ADORA2B: variants seen among roughly 807,000 people sequenced by gnomAD.
The protein encoded by ADORA2B is adenosine receptor A2b.
ADORA2B carries 18 observed loss-of-function variants against 20.8 expected under a neutral mutation model. That is an observed-to-expected ratio of 0.87 (90% confidence interval 0.60 to 1.29). ADORA2B has a LOEUF of 1.29. Among genes scored for constraint, ADORA2B ranks in the 50% most tolerant of loss-of-function variants. The probability of loss-of-function intolerance (pLI) is 0.00; values close to 1 mark genes in which losing one functional copy is unlikely to be tolerated. For missense variants in ADORA2B, 441 were observed against 422.7 expected (o/e 1.04, Z -0.38); for synonymous variants, 179 against 178.3 (o/e 1.00, Z -0.03).
At chr17:15,865,848 T>TTA in the ADORA2B span, among the ~76,000 whole-genome samples, 1 of 151,624 alleles carries the variant, frequency 6.6e-6, no homozygotes. Flanking sequence ...TTTTTTGGTT[T>TTA]TAGGGAGCGG....
chr17:15,926,482 A>G, the ADORA2B span, among the ~76,000 whole-genome samples: 32 of 152,112 alleles, frequency 2.1e-4, no homozygotes, highest in African/African-American at 7.7e-4. Flanking sequence ...CCATGTGACA[A>G]TCGGGGGAGA....
intron 1 of ADORA2B, among the ~76,000 whole-genome samples, chr17:15,959,718 C>T (rs140944594): frequency 2.6e-5 from 4 of 152,116 alleles, no homozygotes; most frequent in African/African-American, 4.8e-5. Flanking sequence ...CCAGGCTGGT[C>T]GTGAATTCCT....
the ADORA2B span, among the ~76,000 whole-genome samples, chr17:15,909,205 G>A: frequency 6.6e-6 from 1 of 151,428 alleles, no homozygotes; most frequent in African/African-American, 2.4e-5. Flanking sequence ...AAAAAAAACA[G>A]CAACAACAAC....
At chr17:15,956,990 T>C (rs1969974454) in intron 1 of ADORA2B, among the ~76,000 whole-genome samples, 1 of 151,932 alleles carries the variant, frequency 6.6e-6, no homozygotes, top group African/African-American at 2.4e-5. Flanking sequence ...TAATCTGGAG[T>C]TTGATATGGT....
chr17:15,885,310 C>G, the ADORA2B span, among the ~76,000 whole-genome samples: 1 of 152,124 alleles, frequency 6.6e-6, no homozygotes, highest in Non-Finnish European at 1.5e-5. Flanking sequence ...ATTTAAATAG[C>G]CACGTGTGGC....
chr17:15,940,789 T>C (rs1045170132), upstream of ADORA2B, among the ~76,000 whole-genome samples: 2 of 152,242 alleles, frequency 1.3e-5, no homozygotes, highest in East Asian at 3.9e-4. Context: ...TCATGGTTGG[T>C]GTAGGGTAGC....
At chr17:15,952,491 G>A (rs1488504312) in intron 1 of ADORA2B, among the ~76,000 whole-genome samples, 1 of 152,106 alleles carries the variant, frequency 6.6e-6, no homozygotes, top group Non-Finnish European at 1.5e-5. Flanking sequence ...TATCTTCCCA[G>A]GAGCCCTTAA....
At chr17:15,910,442 C>T in the ADORA2B span, among the ~76,000 whole-genome samples, 1 of 152,012 alleles carries the variant, frequency 6.6e-6, no homozygotes, top group Non-Finnish European at 1.5e-5. Context: ...GAATTACAGG[C>T]GTGTGCCACC....
chr17:15,947,554 T>C (rs995273780), intron 1 of ADORA2B, among the ~76,000 whole-genome samples: 1 of 152,230 alleles, frequency 6.6e-6, no homozygotes, highest in Admixed American at 6.5e-5. Flanking sequence ...CGCCCCATCC[T>C]GCCTTCCTGG....
At chr17:15,867,126 G>A in the ADORA2B span, among the ~76,000 whole-genome samples, 4 of 152,268 alleles carry the variant, frequency 2.6e-5, no homozygotes, top group South Asian at 2.1e-4. Context: ...GCGTGATCTC[G>A]GCTCGCTACA....
chr17:15,882,731 A>G, the ADORA2B span, among the ~76,000 whole-genome samples: 1 of 151,214 alleles, frequency 6.6e-6, no homozygotes, highest in African/African-American at 2.4e-5. Flanking sequence ...GGAAGGAAAA[A>G]CAGGATTTTC....
chr17:15,930,812 C>T, the ADORA2B span, among the ~76,000 whole-genome samples: 6 of 152,308 alleles, frequency 3.9e-5, 1 homozygote, highest in Admixed American at 2.6e-4. Context: ...TCAAAACTAT[C>T]ATTAAAATGT....
the ADORA2B span, among the ~76,000 whole-genome samples, chr17:15,931,734 CTTT>C: frequency 6.6e-6 from 1 of 151,502 alleles, no homozygotes; most frequent in African/African-American, 2.4e-5. Context: ...GATTATTTGT[CTTT>C]TTCTCTTTTT....
chr17:15,893,666 T>C, the ADORA2B span, among the ~76,000 whole-genome samples: 1 of 152,354 alleles, frequency 6.6e-6, no homozygotes, highest in East Asian at 1.9e-4. Flanking sequence ...AAACATTCCC[T>C]GCTGGAGCAC....
intron 1 of ADORA2B, among the ~76,000 whole-genome samples, chr17:15,945,824 G>T (rs1969797044): frequency 6.6e-6 from 1 of 152,170 alleles, no homozygotes; most frequent in South Asian, 2.1e-4. Context: ...CAGCTCTAGG[G>T]GGTCCGGGGA....
chr17:15,887,951 CAAAAAAAAAAAAAAAAAAAA>C, the ADORA2B span, among the ~76,000 whole-genome samples: 881 of 22,224 alleles, frequency 0.04, 103 homozygotes, highest in African/African-American at 0.17. Context: ...AAGACTCCAT[CAAAAAAAAAAAAAAAAAAAA>C]AAAAAAAAAA....
chr17:15,917,915 C>T, the ADORA2B span, among the ~76,000 whole-genome samples: 1 of 152,248 alleles, frequency 6.6e-6, no homozygotes, highest in African/African-American at 2.4e-5. Context: ...GCCCCGCCTC[C>T]TGCCGCTGTC....
rs570294747 is a variant in ADORA2B at position 15,945,704 on chromosome 17, G to A, written c.335+121G>A. On this transcript the variant is annotated intron_variant, in intron 1 of 1. Transcript: ENST00000304222. ...ACGGGCCAGGCTGGGGGCGCGCGGG[G>A]CGCTTGGAGGGCTGGTTCCCAGCCT... 3.1e-6 allele frequency: 3 copies of A among 954,836 alleles called. No individual in the cohort carries two copies. The Admixed American group carries it at 9.0e-5, about 29-fold the overall frequency. The allele number at this position is 954,836 out of a possible 1,614,324, so 59.1% of individuals were successfully genotyped here.
Position 15,972,882 on chromosome 17 carries a change from C to T in ADORA2B, c.336-1797C>T, listed in dbSNP as rs902436480. ...ATCCTGACTCTCCCACTTCATTCTC[C>T]CGAAATAGCTGGAACCACAGATATA... On this transcript the variant is annotated intron_variant, in intron 1 of 1. Coordinates refer to ENST00000304222, the MANE Select transcript of ADORA2B (RefSeq NM_000676.4). 2.0e-5 allele frequency among the ~76,000 whole-genome samples: 3 copies of T among 152,098 alleles called. 1 individual carries two copies. The highest frequency in any genetic ancestry group is 7.2e-5 in the African/African-American group (3 of 41,394).
Sources: gnomAD v4.1 joint callset for allele counts (sites outside exome capture counted in the v4.1 genomes callset) on GRCh38, gnomAD v4.1.1 for gene constraint, MANE v1.5 for transcripts, NCBI Gene and HGNC (gene_info 2026-07-23, HGNC 2026-07-21) for gene names.